WDR70: variants seen among roughly 807,000 people sequenced by gnomAD.
WDR70 encodes WD repeat domain 70, also known as WD repeat-containing protein 70.
A neutral mutation model predicts 88.6 loss-of-function variants in WDR70; 53 were observed. The ratio of observed to expected loss-of-function variants is 0.60; its 90% CI spans 0.48 to 0.75. The LOEUF (loss-of-function observed/expected upper bound fraction) is 0.75. Among genes scored for constraint, WDR70 ranks in the 30% least tolerant of loss-of-function variants. The pLI, the probability that WDR70 is intolerant of heterozygous loss-of-function variation, is 0.00. For missense variants in WDR70, 610 were observed against 823.2 expected (o/e 0.74, Z 3.17); for synonymous variants, 280 against 270.0 (o/e 1.04, Z -0.36).
intron 7 of WDR70, among the ~76,000 whole-genome samples, chr5:37,469,058 T>C (rs1739249748): frequency 6.6e-6 from 1 of 152,200 alleles, no homozygotes; most frequent in African/African-American, 2.4e-5. Context: ...AAACAAAATA[T>C]ATATAATAGG....
chr5:37,704,029 A>G (rs544372454), intron 13 of WDR70, among the ~76,000 whole-genome samples: 170 of 152,342 alleles, frequency 1.1e-3, no homozygotes, highest in African/African-American at 4.1e-3. Context: ...CCTGTCTCTA[A>G]TGTTCTAGTA....
intron 9 of WDR70, among the ~76,000 whole-genome samples, chr5:37,575,874 C>G (rs1477206840): frequency 3.9e-5 from 6 of 152,070 alleles, no homozygotes; most frequent in Non-Finnish European, 8.8e-5. Flanking sequence ...GAGACTGAGT[C>G]CTAAACTTGG....
chr5:37,411,477 A>G (rs1419236639), intron 5 of WDR70, among the ~76,000 whole-genome samples: 1 of 152,148 alleles, frequency 6.6e-6, no homozygotes, highest in Non-Finnish European at 1.5e-5. Flanking sequence ...TGTAATTCCA[A>G]CACTTTGGGA....
intron 3 of WDR70, among the ~76,000 whole-genome samples, chr5:37,384,955 T>G (rs945474380): frequency 1.3e-5 from 2 of 152,208 alleles, no homozygotes; most frequent in Admixed American, 1.3e-4. Flanking sequence ...CCAGTGCTTC[T>G]AATCTACTGG....
At chr5:37,501,177 G>T (rs540972046) in intron 8 of WDR70, among the ~76,000 whole-genome samples, 124 of 152,166 alleles carry the variant, frequency 8.1e-4, no homozygotes, top group African/African-American at 3.0e-3. Flanking sequence ...TGGGCGCATA[G>T]TTTGCAAATA....
At chr5:37,569,182 C>A (rs1306131110) in intron 9 of WDR70, among the ~76,000 whole-genome samples, 2 of 152,170 alleles carry the variant, frequency 1.3e-5, no homozygotes, top group Non-Finnish European at 2.9e-5. Context: ...AAAGTTCTAG[C>A]TGACTTGTAG....
chr5:37,427,867 C>G (rs1750182979), intron 5 of WDR70, among the ~76,000 whole-genome samples: 1 of 152,206 alleles, frequency 6.6e-6, no homozygotes, highest in South Asian at 2.1e-4. Context: ...GAAACTCCGT[C>G]TCATAAAAGA....
At chr5:37,459,451 T>C (rs931819924) in intron 7 of WDR70, among the ~76,000 whole-genome samples, 3 of 143,870 alleles carry the variant, frequency 2.1e-5, no homozygotes, top group Admixed American at 7.1e-5. Flanking sequence ...GGATTCCCTA[T>C]TTAATAAATG....
chr5:37,716,323 G>A (rs1235176237), intron 13 of WDR70, among the ~76,000 whole-genome samples: 1 of 152,182 alleles, frequency 6.6e-6, no homozygotes. Flanking sequence ...CGCAGGCATT[G>A]ATTTCTTTTA....
chr5:37,709,774 G>A (rs1050382000), intron 13 of WDR70, among the ~76,000 whole-genome samples: 15 of 146,092 alleles, frequency 1.0e-4, no homozygotes, highest in African/African-American at 3.9e-4. Context: ...AGATGCCAGT[G>A]GAATATGGTG....
intron 10 of WDR70, among the ~76,000 whole-genome samples, chr5:37,688,232 T>C (rs1746672356): frequency 6.6e-6 from 1 of 152,190 alleles, no homozygotes; most frequent in African/African-American, 2.4e-5. Flanking sequence ...TCAATCTCTT[T>C]ATTTTACAGA....
chr5:37,607,190 C>G (rs2112479723), intron 10 of WDR70, among the ~76,000 whole-genome samples: 1 of 151,898 alleles, frequency 6.6e-6, no homozygotes, highest in African/African-American at 2.4e-5. Flanking sequence ...GATCCACCCA[C>G]CTTGGCCTCC....
chr5:37,392,445 A>C (rs890320257), intron 4 of WDR70, among the ~76,000 whole-genome samples: 1 of 151,730 alleles, frequency 6.6e-6, no homozygotes. Flanking sequence ...CAGCCTCCCA[A>C]AGTGCTGGGA....
chr5:37,391,892 C>CT lies in WDR70; in HGVS notation c.176-107dup, dbSNP rs1251153693. 4.7e-6 allele frequency: 6 copies of CT among 1,269,964 alleles called. No individual in the cohort carries two copies. The African/African-American group carries it at 6.1e-5, about 13-fold the overall frequency. The allele number at this position is 1,269,964 out of a possible 1,614,324, so 78.7% of individuals were successfully genotyped here. A position where few individuals can be genotyped will look rare whatever the true frequency, so the allele number is the denominator to read the frequency against. On this transcript the variant is annotated intron_variant, in intron 3 of 17. Coordinates refer to ENST00000265107, the MANE Select transcript of WDR70 (RefSeq NM_018034.4). ...ATTTTTTGCTGTTACTGCTAACACT[C>CT]TAAGTTATATCTTTGTGACTATGTT... is the stretch of plus-strand genomic sequence containing the variant.
intron 9 of WDR70, among the ~76,000 whole-genome samples, chr5:37,559,346 C>G (rs661097): frequency 1.3e-5 from 2 of 152,234 alleles, no homozygotes; most frequent in African/African-American, 4.8e-5. Flanking sequence ...TAGCCCTTCT[C>G]TACTCTTCCA....
At chr5:37,688,753 T>A (rs1285461890) in intron 10 of WDR70, among the ~76,000 whole-genome samples, 2 of 123,922 alleles carry the variant, frequency 1.6e-5, no homozygotes, top group Non-Finnish European at 3.7e-5. Context: ...GGTCTGCAGC[T>A]CCCAGTGTGA....
intron 9 of WDR70, among the ~76,000 whole-genome samples, chr5:37,555,419 A>AT (rs1337978838): frequency 2.0e-5 from 3 of 152,130 alleles, no homozygotes; most frequent in Admixed American, 1.3e-4. Flanking sequence ...TAAGTCTATG[A>AT]TTTTTTTTCT....
chr5:37,641,876 T>G (rs1464778043), intron 10 of WDR70, among the ~76,000 whole-genome samples: 2 of 152,218 alleles, frequency 1.3e-5, no homozygotes, highest in African/African-American at 4.8e-5. Flanking sequence ...TAGTAGCATA[T>G]TTTATATACC....
chr5:37,434,569 T>C (rs1262080368), intron 5 of WDR70, among the ~76,000 whole-genome samples: 2 of 152,178 alleles, frequency 1.3e-5, no homozygotes, highest in Non-Finnish European at 2.9e-5. Context: ...AATTATGGCT[T>C]ATAGTTGTAT....
Sources: allele counts gnomAD v4.1 joint callset (sites outside exome capture counted in the v4.1 genomes callset), GRCh38; gene constraint gnomAD v4.1.1; transcripts MANE v1.5; gene names NCBI Gene and HGNC (gene_info 2026-07-23, HGNC 2026-07-21).